Variants in POLR2F observed in about 807,000 individuals in gnomAD.
POLR2F encodes DNA-directed RNA polymerases I, II, and III subunit RPABC2.
In POLR2F, 12 loss-of-function variants were observed where a neutral mutation model predicts 22.7. That is an observed-to-expected ratio of 0.53 (90% CI 0.34 to 0.86). The LOEUF is 0.86. POLR2F is among the 40% of genes least tolerant of loss of function. The pLI is 0.02. For missense variants in POLR2F, 126 were observed against 171.5 expected, an observed-to-expected ratio of 0.73 and a Z score of 1.48; for synonymous variants, 57 against 66.0, an observed-to-expected ratio of 0.86 and a Z score of 0.66.
upstream of POLR2F, among the ~76,000 whole-genome samples, chr22:37,985,714 C>T (rs1172375685): frequency 6.6e-6 from 1 of 151,582 alleles, no homozygotes; most frequent in Non-Finnish European, 1.5e-5. Flanking sequence ...GGCAAGGCCT[C>T]ATGCTTGGGA....
chr22:37,976,122 C>G (rs1172363806), intron 4 of POLR2F, among the ~76,000 whole-genome samples: 1 of 152,148 alleles, frequency 6.6e-6, no homozygotes, highest in Non-Finnish European at 1.5e-5. Context: ...ACTTAGGAGG[C>G]TGAGGCACAA....
At chr22:37,972,195 C>T (rs779921837), downstream of POLR2F, 1 of 1,238,778 alleles carries the variant, frequency 8.1e-7, no homozygotes, top group South Asian at 1.3e-5. Flanking sequence ...GAGAGAGAGA[C>T]CTTTGATGAT....
At chr22:38,009,975 A>G (rs768828448) in intron 1 of POLR2F, among the ~76,000 whole-genome samples, 2 of 152,242 alleles carry the variant, frequency 1.3e-5, no homozygotes, top group Non-Finnish European at 1.5e-5. Flanking sequence ...TAAAGCTCCT[A>G]TGAACATTCA....
intron 1 of POLR2F, chr22:38,025,641 G>A (rs377446121): frequency 6.4e-7 from 1 of 1,563,988 alleles, no homozygotes; most frequent in Admixed American, 1.9e-5. Flanking sequence ...CACAGCCTAG[G>A]CTCTTTCAGC....
chr22:37,967,089 A>G lies in POLR2F; in HGVS notation c.222-10A>G, dbSNP rs111869430. 6.2e-4 allele frequency: 998 copies of G among 1,607,972 alleles called. 4 individuals are homozygous for G. In the African/African-American group the frequency reaches 0.012, roughly 19 times the overall value. ...TGTAGTCTCCCTAACACCTGTCCCTATCCCTACAGGATGTGTGCCCCTGTG... is the reference window on the plus strand; with the variant it reads ...TGTAGTCTCCCTAACACCTGTCCCTGTCCCTACAGGATGTGTGCCCCTGTG... On this transcript the variant is annotated splice_polypyrimidine_tract_variant and intron_variant, in intron 3 of 4. Transcript: ENST00000442738.
upstream of POLR2F, among the ~76,000 whole-genome samples, chr22:37,982,224 G>T (rs1357940085): frequency 1.3e-5 from 2 of 152,178 alleles, no homozygotes; most frequent in African/African-American, 4.8e-5. Context: ...AGAGAGTATG[G>T]GAGTCCTGGG....
chr22:38,035,644 T>A (rs1167680143), intron 5 of POLR2F, among the ~76,000 whole-genome samples: 1 of 152,206 alleles, frequency 6.6e-6, no homozygotes, highest in Non-Finnish European at 1.5e-5. Flanking sequence ...CACCTCACTC[T>A]CCAGGTGCTG....
upstream of POLR2F, among the ~76,000 whole-genome samples, chr22:37,985,588 T>C (rs1307238843): frequency 6.6e-6 from 1 of 152,176 alleles, no homozygotes; most frequent in African/African-American, 2.4e-5. Flanking sequence ...GGTTATGTAA[T>C]GGAGCTGGGG....
chr22:38,038,780 TC>T (rs1421591136), intron 5 of POLR2F, among the ~76,000 whole-genome samples: 2 of 45,934 alleles, frequency 4.4e-5, no homozygotes, highest in Non-Finnish European at 4.6e-5. Flanking sequence ...CCACCCAAAC[TC>T]CCTCCTCCCC....
At chr22:37,971,147 T>C (rs1422051649), downstream of POLR2F, 3 of 445,924 alleles carry the variant, frequency 6.7e-6, no homozygotes, top group South Asian at 3.3e-5. Context: ...GGAAGATGCA[T>C]TGCTCCAGAT....
chr22:37,988,352 AAAAG>A (rs2145785340), intron 1 of POLR2F: 1 of 150,790 alleles, frequency 6.6e-6, no homozygotes, highest in African/African-American at 2.4e-5. Flanking sequence ...AAAAAAGAAA[AAAAG>A]AAAAACATAC....
At chr22:37,983,560 G>A (rs771153660), upstream of POLR2F, 6 of 1,610,134 alleles carry the variant, frequency 3.7e-6, no homozygotes, top group East Asian at 1.3e-4. This position sits in a 1 kb window ranked among gnomAD's most constrained non-coding sequence, Gnocchi z 9.5. Context: ...CCTGGCTGAC[G>A]GCCTCGCGGA....
At chr22:38,025,459 C>A in intron 1 of POLR2F, 1 of 1,352,872 alleles carries the variant, frequency 7.4e-7, no homozygotes, top group East Asian at 2.6e-5. Context: ...TATACACACA[C>A]GTACTCAAAG....
chr22:38,031,035 C>A (rs1346708055), downstream of POLR2F, among the ~76,000 whole-genome samples: 2 of 152,114 alleles, frequency 1.3e-5, no homozygotes, highest in Middle Eastern at 3.4e-3. The surrounding 1 kb of genome is among the most constrained non-coding windows in gnomAD (Gnocchi z 4.1). Flanking sequence ...AGACCACCAG[C>A]ACTTCAGACC....
intron 4 of POLR2F, 171 bp downstream of exon 4, chr22:37,967,341 G>A (rs1931896287): frequency 6.8e-7 from 1 of 1,471,492 alleles, no homozygotes; most frequent in South Asian, 1.4e-5. Context: ...GAGGAGGCAG[G>A]GAAAGTGGGA....
upstream of POLR2F, chr22:37,983,437 C>A: frequency 6.2e-7 from 1 of 1,612,246 alleles, no homozygotes; most frequent in Non-Finnish European, 8.5e-7. This position sits in a 1 kb window ranked among gnomAD's most constrained non-coding sequence, Gnocchi z 9.5. Flanking sequence ...TGCGCGCTGC[C>A]TGAGCCCACA....
intron 1 of POLR2F, among the ~76,000 whole-genome samples, chr22:38,003,388 G>A (rs765456332): frequency 2.4e-4 from 36 of 152,140 alleles, no homozygotes; most frequent in Non-Finnish European, 5.1e-4. Context: ...CGCCACACCT[G>A]GCTAACTTAG....
chr22:37,996,712 C>T (rs543584228), intron 1 of POLR2F, among the ~76,000 whole-genome samples: 1 of 152,152 alleles, frequency 6.6e-6, no homozygotes, highest in Non-Finnish European at 1.5e-5. Context: ...TGCTGTGTGA[C>T]CTTGGGTGGG....
rs1601873757 is a variant in POLR2F at position 37,967,899 on chromosome 22, C to T, written c.*184C>T. The T allele has an allele frequency of 2.3e-6, 3 of 1,331,650 alleles. 1 individual carries two copies. The South Asian group carries it at 5.4e-5, about 24-fold the overall frequency. The allele number at this position is 1,331,650 out of a possible 1,614,324, so 82.5% of individuals were successfully genotyped here. A position where few individuals can be genotyped will look rare whatever the true frequency, so the allele number is the denominator to read the frequency against. On this transcript the variant is annotated 3_prime_UTR_variant, in exon 5 of 5. Transcript: ENST00000442738. The stretch of plus-strand genomic sequence containing the variant: ...TGCACCTATTCCAGTGGCCCTGTGA[C>T]TGTCAGCTCCTTAAGAAGCACCAGG...
Sources: allele counts gnomAD v4.1 joint callset (sites outside exome capture counted in the v4.1 genomes callset), GRCh38; gene constraint gnomAD v4.1.1; non-coding constraint Gnocchi (gnomAD v3.1); transcripts MANE v1.5; gene names NCBI Gene and HGNC (gene_info 2026-07-23, HGNC 2026-07-21).